The following TARS3 variants were observed in gnomAD, a reference collection of about 807,000 sequenced individuals.
TARS3 encodes the protein threonine--tRNA ligase 2, cytoplasmic.
A neutral mutation model predicts 103.5 loss-of-function variants in TARS3; 94 were observed. The observed-to-expected ratio is 0.91, with a 90% CI of 0.77 to 1.08. The LOEUF (loss-of-function observed/expected upper bound fraction) is 1.08, where lower values mean the gene tolerates loss of function less well. TARS3 is among the 50% of genes least tolerant of loss of function. The pLI is 0.00. For synonymous variants in TARS3, 416 were observed against 355.4 expected (o/e 1.17, Z -1.92); for missense variants, 952 against 995.2 (o/e 0.96, Z 0.58).
intron 13 of TARS3, among the ~76,000 whole-genome samples, chr15:101,673,456 T>C (rs1418847507): frequency 2.0e-5 from 3 of 152,214 alleles, no homozygotes; most frequent in Non-Finnish European, 2.9e-5. Context: ...AAGTTCACCA[T>C]ACCCTCAGGA....
intron 8 of TARS3, 46 bp from the exon 9 acceptor site, chr15:101,702,431 G>A (rs777951647): frequency 6.6e-7 from 1 of 1,524,190 alleles, no homozygotes; most frequent in East Asian, 2.3e-5. Flanking sequence ...ACATTCAGTT[G>A]TAAGTAAAAC....
At chr15:101,713,268 T>C (rs1441323109) in intron 4 of TARS3, among the ~76,000 whole-genome samples, 2 of 152,134 alleles carry the variant, frequency 1.3e-5, no homozygotes, top group East Asian at 3.8e-4. Flanking sequence ...CCTGTGTGAC[T>C]AACACGTAGG....
intron 15 of TARS3, among the ~76,000 whole-genome samples, chr15:101,665,650 GACCTTGGAAGAATTA>G (rs1897552010): frequency 6.6e-6 from 1 of 152,134 alleles, no homozygotes; most frequent in Non-Finnish European, 1.5e-5. Context: ...TTACAAACAT[GACCTTGGAAGAATTA>G]ATAAGATGGC....
chr15:101,675,459 C>G, intron 13 of TARS3, 141 bp downstream of exon 13: 1 of 739,080 alleles, frequency 1.4e-6, no homozygotes, highest in East Asian at 2.6e-5. Flanking sequence ...TAACCACATT[C>G]TACAACCTAT....
chr15:101,691,203 T>C (rs969711491), intron 10 of TARS3, among the ~76,000 whole-genome samples: 4 of 151,950 alleles, frequency 2.6e-5, no homozygotes, highest in Non-Finnish European at 1.5e-5. Context: ...CCTCCCAAAG[T>C]GCTGGGATTA....
chr15:101,660,270 T>C (rs1897327807), intron 16 of TARS3, among the ~76,000 whole-genome samples: 2 of 152,168 alleles, frequency 1.3e-5, no homozygotes, highest in Non-Finnish European at 1.5e-5. Context: ...AAAAATGGAA[T>C]GGGAGGTAGA....
At chr15:101,711,151 A>G (rs1456299744) in intron 5 of TARS3, among the ~76,000 whole-genome samples, 1 of 152,212 alleles carries the variant, frequency 6.6e-6, no homozygotes, top group Non-Finnish European at 1.5e-5. Context: ...TCTAGGAATT[A>G]AGCTTTCAAT....
intron 12 of TARS3, among the ~76,000 whole-genome samples, chr15:101,680,243 T>C (rs1470068805): frequency 1.3e-5 from 2 of 152,232 alleles, no homozygotes. Flanking sequence ...TTAGCTGGCA[T>C]ATAAAGGGCC....
At chr15:101,693,751 C>T (rs1000163603) in intron 10 of TARS3, among the ~76,000 whole-genome samples, 6 of 152,140 alleles carry the variant, frequency 3.9e-5, no homozygotes, top group East Asian at 1.9e-4. Context: ...ACACTCAACT[C>T]GGATGCATCT....
chr15:101,670,153 A>T (rs1897740596), intron 15 of TARS3, among the ~76,000 whole-genome samples: 1 of 152,266 alleles, frequency 6.6e-6, no homozygotes, highest in Non-Finnish European at 1.5e-5. Context: ...AAAGAAAAAA[A>T]TGGAGAAATT....
In TARS3 at chr15:101,675,734, C is replaced by T. The variant is rs1211544866; in HGVS notation, c.1654G>A (p.Glu552Lys). 1 of 1,606,180 alleles carries T rather than the reference C, an allele frequency of 6.2e-7. No individual in the cohort carries two copies. The highest frequency in any genetic ancestry group is 8.5e-7 in the Non-Finnish European group (1 of 1,177,866). Residue 552 changes from glutamate to lysine, a missense_variant, in exon 13 of 19, where the codon GAA becomes AAA. Physicochemically the swap from Glu to Lys is moderately conservative, Grantham distance 56. Transcript: ENST00000335968. ...TGCAAACACCCCTTTATTTCTTCTT[C>T]AATCTGAAATCAAAGCAAATGAAAC... is the stretch of plus-strand genomic sequence containing the variant. ...AHIFCTVEQI[E>K]EEIKGCLQFL...
At chr15:101,721,046 A>T in intron 3 of TARS3, 80 bp downstream of exon 3, 1 of 1,189,190 alleles carries the variant, frequency 8.4e-7, no homozygotes, top group South Asian at 1.5e-5. Context: ...GTAATATATT[A>T]GCGGTCCCTA....
At chr15:101,700,612 T>C (rs1291958035) in intron 10 of TARS3, among the ~76,000 whole-genome samples, 1 of 152,074 alleles carries the variant, frequency 6.6e-6, no homozygotes, top group African/African-American at 2.4e-5. Flanking sequence ...TATCTCCATG[T>C]TATTATTAGA....
chr15:101,711,892 A>T lies in TARS3; in HGVS notation c.800T>A (p.Phe267Tyr). 2.5e-6 allele frequency: 4 copies of T among 1,613,930 alleles called. No homozygotes were observed. Among genetic ancestry groups the T allele is most frequent in the Non-Finnish European group, 1.7e-6 (2 of 1,179,826 alleles). Residue 267 changes from phenylalanine to tyrosine, a missense_variant, in exon 5 of 19, where the codon TTC (phenylalanine) becomes TAC (tyrosine). Around this residue, in one of 2 missense-constraint regions of TARS3, gnomAD observed 412 missense variants for 364.2 expected, o/e 1.13. Transcript: ENST00000335968. ...PIENGFYYDM[F>Y]IEDRAVSSTE... is the part of the protein sequence containing the mutation. ...TTCAGTGTGTTACCTGTCTTCAATGAACATGTCATAATAAAATCCATTTTC... is the reference window on the plus strand; with the variant it reads ...TTCAGTGTGTTACCTGTCTTCAATGTACATGTCATAATAAAATCCATTTTC...
chr15:101,724,239 A>G lies in TARS3; in HGVS notation c.149T>C (p.Leu50Pro). 6.4e-7 allele frequency: 1 copy of G among 1,553,520 alleles called. No homozygotes were observed. The highest frequency in any genetic ancestry group is 8.6e-7 in the Non-Finnish European group (1 of 1,156,880). ...CCGGAGCTGCGCCACCTCCCGCGTG[A>G]GGCACGGCCCCTCCGCCTGGCAGCT... ...PYSCQAEGPCLTREVAQLRAE... is the reference protein window; with the variant it reads ...PYSCQAEGPCPTREVAQLRAE... The change falls in exon 1 of 19, where the codon CTC becomes CCC. Residue 50 changes from leucine (L) to proline (P), a missense_variant. Around this residue, in one of 2 missense-constraint regions of TARS3, gnomAD observed 412 missense variants for 364.2 expected, o/e 1.13. Coordinates refer to ENST00000335968, the MANE Select transcript of TARS3 (RefSeq NM_152334.3).
rs1897214081 is a variant in TARS3, at chr15:101,656,904, T to A, written c.2260+18A>T. On this transcript the variant is annotated intron_variant, in intron 18 of 18. Coordinates refer to ENST00000335968, the MANE Select transcript of TARS3 (RefSeq NM_152334.3). ...GGAAAAAAAAGCATTTGGAAAAATA[T>A]ATACAAACTTAAATTACCCAAAATA... 6.6e-7 allele frequency: 1 copy of A among 1,514,642 alleles called. No individual in the cohort carries two copies. Among genetic ancestry groups the A allele is most frequent in the South Asian group, 1.2e-5 (1 of 84,324 alleles). 93.8% of individuals were successfully genotyped at this position (1,514,642 alleles called of 1,614,324 possible).
chr15:101,683,998 C>T, intron 12 of TARS3, 77 bp downstream of exon 12: 1 of 1,423,020 alleles, frequency 7.0e-7, no homozygotes, highest in Non-Finnish European at 9.4e-7. Flanking sequence ...TTCAGTAACT[C>T]TGAAAGAATA....
At chr15:101,675,196 C>A (rs74693892) in intron 13 of TARS3, among the ~76,000 whole-genome samples, 1 of 152,096 alleles carries the variant, frequency 6.6e-6, no homozygotes, top group African/African-American at 2.4e-5. Flanking sequence ...GACGTGACTA[C>A]GAAGGGGACT....
intron 15 of TARS3, among the ~76,000 whole-genome samples, chr15:101,668,743 A>G (rs1897679789): frequency 6.6e-6 from 1 of 152,246 alleles, no homozygotes; most frequent in African/African-American, 2.4e-5. Flanking sequence ...GGCCAACAAC[A>G]GAGCACATAC....
Sources: gnomAD v4.1 joint callset for allele counts (sites outside exome capture counted in the v4.1 genomes callset) on GRCh38, gnomAD v4.1.1 for gene constraint, gnomAD v4.1.1 regional missense constraint, MANE v1.5 for transcripts, NCBI Gene and HGNC (gene_info 2026-07-23, HGNC 2026-07-21) for gene names.